The following RAB3IL1 variants were observed in gnomAD, a reference collection of about 807,000 sequenced individuals.
RAB3IL1 encodes the protein guanine nucleotide exchange factor for Rab-3A.
Under a neutral mutation model 49.2 loss-of-function variants are expected in RAB3IL1, and 37 were observed. The ratio of observed to expected loss-of-function variants is 0.75; its 90% CI spans 0.58 to 0.99. The LOEUF (loss-of-function observed/expected upper bound fraction) is 0.99. Ranked by LOEUF, RAB3IL1 falls within the 50% of genes least tolerant of loss-of-function variation. The pLI is 0.00. For synonymous variants in RAB3IL1, 193 were observed against 213.9 expected (o/e 0.90, Z 0.85); for missense variants, 484 against 513.0 (o/e 0.94, Z 0.55).
intron 1 of RAB3IL1, among the ~76,000 whole-genome samples, chr11:61,909,267 G>C (rs968514972): frequency 6.6e-6 from 1 of 152,164 alleles, no homozygotes; most frequent in Admixed American, 6.5e-5. Context: ...CTGCACCAGA[G>C]GGGGAAGGCA....
intron 6 of RAB3IL1, 30 bp downstream of exon 6, chr11:61,904,724 C>T (rs1393600346): frequency 3.2e-6 from 5 of 1,577,766 alleles, no homozygotes; most frequent in Non-Finnish European, 4.3e-6. Flanking sequence ...GGTGTGTCCC[C>T]CAGCTGGCCC....
chr11:61,916,190 AC>A (rs111885783), intron 1 of RAB3IL1, among the ~76,000 whole-genome samples: 5 of 152,226 alleles, frequency 3.3e-5, no homozygotes, highest in African/African-American at 1.2e-4. Flanking sequence ...TACTAAAAAT[AC>A]AAAAATTAGC....
intron 8 of RAB3IL1, 182 bp from the exon 9 acceptor site, chr11:61,899,562 T>TAGCAGCAGC (rs765570044): frequency 3.6e-5 from 21 of 587,112 alleles, no homozygotes; most frequent in African/African-American, 3.5e-4. Flanking sequence ...CCTGCTGTAA[T>TAGCAGCAGC]AGCAGCAGCA....
chr11:61,930,808 C>T, the RAB3IL1 span, among the ~76,000 whole-genome samples: 4 of 151,876 alleles, frequency 2.6e-5, no homozygotes, highest in Admixed American at 6.6e-5. Flanking sequence ...AACTTTAAGA[C>T]GAAAAACATT....
intron 1 of RAB3IL1, among the ~76,000 whole-genome samples, chr11:61,915,463 C>A (rs761630613): frequency 1.3e-5 from 2 of 152,142 alleles, no homozygotes; most frequent in Non-Finnish European, 2.9e-5. Flanking sequence ...CCCCAGAAAC[C>A]ATTTATTTTA....
chr11:61,945,830 T>C, the RAB3IL1 span: 2 of 984,676 alleles, frequency 2.0e-6, no homozygotes, highest in Admixed American at 1.2e-4. Context: ...GTGGATCCTC[T>C]TGCCTTGTGT....
At chr11:61,938,454 A>C in the RAB3IL1 span, among the ~76,000 whole-genome samples, 14 of 152,226 alleles carry the variant, frequency 9.2e-5, no homozygotes, top group Admixed American at 3.9e-4. Context: ...AATATTATAA[A>C]AAATAGACCT....
At chr11:61,940,165 G>A in the RAB3IL1 span, among the ~76,000 whole-genome samples, 1 of 152,080 alleles carries the variant, frequency 6.6e-6, no homozygotes, top group Non-Finnish European at 1.5e-5. Flanking sequence ...ACATAGGCTG[G>A]GTGCAGTAGC....
Position 61,906,828 on chromosome 11 carries a change from G to C in RAB3IL1, c.439-144C>G, listed in dbSNP as rs961934587. On this transcript the variant is annotated intron_variant, in intron 4 of 9. Coordinates refer to ENST00000394836, the MANE Select transcript of RAB3IL1 (RefSeq NM_013401.4). The surrounding 1 kb of genome is among the most constrained non-coding windows in gnomAD (Gnocchi z 4.6). ...CCGACGCCCTCAGAACAGCCTTCGA[G>C]GCAGAGACCCAGACACTCGTTTTAC... 1 of 792,274 alleles carries C rather than the reference G, an allele frequency of 1.3e-6. No homozygotes were observed. Among genetic ancestry groups the C allele is most frequent in the Non-Finnish European group, 2.1e-6 (1 of 472,266 alleles). 49.1% of individuals were successfully genotyped at this position (792,274 alleles called of 1,614,324 possible).
At chr11:61,910,525 T>G (rs1939412063) in intron 1 of RAB3IL1, among the ~76,000 whole-genome samples, 1 of 152,206 alleles carries the variant, frequency 6.6e-6, no homozygotes, top group African/African-American at 2.4e-5. Flanking sequence ...CTTCTGCACC[T>G]GAGGGATAGG....
chr11:61,946,243 C>T, the RAB3IL1 span, among the ~76,000 whole-genome samples: 1 of 152,196 alleles, frequency 6.6e-6, no homozygotes, highest in Non-Finnish European at 1.5e-5. Context: ...CTGACTTACC[C>T]CGGGGCCCCC....
chr11:61,911,320 G>A (rs769035230), intron 1 of RAB3IL1, among the ~76,000 whole-genome samples: 28 of 152,156 alleles, frequency 1.8e-4, no homozygotes, highest in South Asian at 2.1e-4. Flanking sequence ...GGAGCAGGAG[G>A]GAAGAAGGGC....
At chr11:61,924,859 A>G (rs1939970209), upstream of RAB3IL1, among the ~76,000 whole-genome samples, 2 of 152,162 alleles carry the variant, frequency 1.3e-5, no homozygotes, top group Non-Finnish European at 2.9e-5. Flanking sequence ...CTGAATTCCT[A>G]GAGATGAAAC....
the RAB3IL1 span, among the ~76,000 whole-genome samples, chr11:61,929,191 C>G: frequency 5.3e-5 from 8 of 152,098 alleles, no homozygotes; most frequent in Non-Finnish European, 1.0e-4. Flanking sequence ...TCTCTTGTAG[C>G]TATTTTGACA....
the RAB3IL1 span, chr11:61,945,781 C>G: frequency 1.0e-5 from 10 of 985,394 alleles, no homozygotes; most frequent in Non-Finnish European, 1.2e-5. Context: ...ACCTGGCCGA[C>G]TGCAGCCTGG....
the RAB3IL1 span, among the ~76,000 whole-genome samples, chr11:61,927,226 C>G: frequency 3.7e-3 from 570 of 152,240 alleles, 1 homozygote; most frequent in African/African-American, 0.013. Flanking sequence ...GCATGCCCCC[C>G]CCTTAACCTT....
the RAB3IL1 span, among the ~76,000 whole-genome samples, chr11:61,927,166 C>G: frequency 2.0e-5 from 3 of 152,122 alleles, no homozygotes. Flanking sequence ...TAAAAAGAGT[C>G]TGGGACCTCC....
chr11:61,904,830 A>G lies in RAB3IL1; in HGVS notation c.710T>C (p.Leu237Pro), dbSNP rs1404118042. The G allele has an allele frequency of 1.3e-6, 2 of 1,581,972 alleles. No homozygotes were observed. The highest frequency in any genetic ancestry group is 1.1e-5 in the South Asian group (1 of 90,272). Reference sequence around the variant, plus strand: ...TTCCAGGAAGGGGCAGGTCTTGTCCAGGGTGGGGGATTCCCTCCAGGCCTG... The same window carrying G: ...TTCCAGGAAGGGGCAGGTCTTGTCCGGGGTGGGGGATTCCCTCCAGGCCTG... ...EFQAWRESPT[L>P]DKTCPFLERV... Residue 237 changes from leucine to proline, a missense_variant, in exon 6 of 10, where the codon CTG becomes CCG. By Grantham distance (98) the Leu-to-Pro change is moderately conservative (BLOSUM62 -3). Transcript: ENST00000394836.
At chr11:61,923,255 G>A (rs1327625656), upstream of RAB3IL1, among the ~76,000 whole-genome samples, 3 of 152,238 alleles carry the variant, frequency 2.0e-5, no homozygotes, top group Non-Finnish European at 2.9e-5. Context: ...TCTTGCAGAT[G>A]AGGAAACTGA....
Sources: allele counts gnomAD v4.1 joint callset (sites outside exome capture counted in the v4.1 genomes callset), GRCh38; gene constraint gnomAD v4.1.1; non-coding constraint Gnocchi (gnomAD v3.1); transcripts MANE v1.5; gene names NCBI Gene and HGNC (gene_info 2026-07-23, HGNC 2026-07-21).